Variants in DNAJC9 observed in about 807,000 individuals in gnomAD.
DNAJC9 encodes DnaJ heat shock protein family (Hsp40) member C9.
In DNAJC9, 18 loss-of-function variants were observed where a neutral mutation model predicts 32.4. The ratio of observed to expected loss-of-function variants is 0.56; its 90% CI spans 0.38 to 0.82. The LOEUF is 0.82. Ranked by LOEUF, DNAJC9 falls within the 40% of genes least tolerant of loss-of-function variation. The probability of loss-of-function intolerance (pLI) is 0.00; values close to 1 mark genes in which losing one functional copy is unlikely to be tolerated. For missense variants in DNAJC9, 310 were observed against 321.8 expected, an observed-to-expected ratio of 0.96 and a Z score of 0.28; for synonymous variants, 113 against 122.1, an observed-to-expected ratio of 0.93 and a Z score of 0.49.
downstream of DNAJC9, among the ~76,000 whole-genome samples, chr10:73,240,262 A>G (rs2043911514): frequency 6.6e-6 from 1 of 152,240 alleles, no homozygotes; most frequent in Admixed American, 6.5e-5. Context: ...AATAATCAGC[A>G]ACTATGGTAA....
chr10:73,240,487 C>T (rs138078566), downstream of DNAJC9, among the ~76,000 whole-genome samples: 1,684 of 152,184 alleles, frequency 0.011, 43 homozygotes, highest in East Asian at 0.1. Context: ...CCAAGGCGGG[C>T]GGATCACGAG....
chr10:73,244,107 T>C lies in DNAJC9; in HGVS notation c.577-178A>G, dbSNP rs557990189. 4 of 591,492 alleles carry C rather than the reference T, an allele frequency of 6.8e-6. No homozygotes were observed. In the South Asian group the frequency reaches 8.6e-5, roughly 13 times the overall value. The allele number at this position is 591,492 out of a possible 1,614,324, so 36.6% of individuals were successfully genotyped here. A position where few individuals can be genotyped will look rare whatever the true frequency, so the allele number is the denominator to read the frequency against. ...TGGCAACAATGCTGACAGCAAGCAGTAGATCCTCTGATTCCAATTACCATT... is the reference window on the plus strand; with the variant it reads ...TGGCAACAATGCTGACAGCAAGCAGCAGATCCTCTGATTCCAATTACCATT... On this transcript the variant is annotated intron_variant, in intron 3 of 4. Transcript: ENST00000372950.
Position 73,247,249 on chromosome 10 carries a change from C to G in DNAJC9, c.-60G>C. The G allele has an allele frequency of 1.3e-6, 2 of 1,545,606 alleles. No individual in the cohort carries two copies. Among genetic ancestry groups the G allele is most frequent in the South Asian group, 2.4e-5 (2 of 84,274 alleles). On this transcript the variant is annotated 5_prime_UTR_variant, in exon 1 of 5. Transcript: ENST00000372950. ...GCTCCCAGCTGCGCCGGGTACAACC[C>G]AGGACTGCTTCTTTTTCGCGCCCAA...
At chr10:73,232,845 G>A in intron 2 of DNAJC9, 1 of 724,554 alleles carries the variant, frequency 1.4e-6, no homozygotes, top group African/African-American at 1.8e-5. Context: ...CCCCCTAAAT[G>A]TAGTTTCTAG....
intron 3 of DNAJC9, 133 bp downstream of exon 3, chr10:73,245,789 A>T: frequency 9.2e-7 from 1 of 1,091,856 alleles, no homozygotes; most frequent in Non-Finnish European, 1.3e-6. Flanking sequence ...CCATTTTATT[A>T]GATCGAAACT....
chr10:73,243,798 A>G lies in DNAJC9; in HGVS notation c.663+45T>C, dbSNP rs2043978728. On this transcript the variant is annotated intron_variant, in intron 4 of 4. Coordinates refer to ENST00000372950, the MANE Select transcript of DNAJC9 (RefSeq NM_015190.5). ...ACATTCCAAAGAAAATATTAGCAGT[A>G]GGAATCAGATCATTAAAGATGTGGC... 6.0e-6 allele frequency: 9 copies of G among 1,502,484 alleles called. No individual in the cohort carries two copies. The East Asian group carries it at 2.0e-4, about 34-fold the overall frequency. The allele number at this position is 1,502,484 out of a possible 1,614,324, so 93.1% of individuals were successfully genotyped here. A position where few individuals can be genotyped will look rare whatever the true frequency, so the allele number is the denominator to read the frequency against.
In DNAJC9 at chr10:73,247,220, A is replaced by G; in HGVS notation, c.-31T>C. 1 of 1,570,234 alleles carries G rather than the reference A, an allele frequency of 6.4e-7. No homozygotes were observed. The highest frequency in any genetic ancestry group is 8.6e-7 in the Non-Finnish European group (1 of 1,158,782). Reference sequence around the variant, plus strand: ...GCGGAGATACGACCCCGGAGGAAGCAGCCGCTCCCAGCTGCGCCGGGTACA... The same window carrying G: ...GCGGAGATACGACCCCGGAGGAAGCGGCCGCTCCCAGCTGCGCCGGGTACA... On this transcript the variant is annotated 5_prime_UTR_variant, in exon 1 of 5. Transcript: ENST00000372950.
downstream of DNAJC9, chr10:73,239,326 T>C (rs1228458483): frequency 4.5e-6 from 7 of 1,551,638 alleles, no homozygotes; most frequent in East Asian, 1.7e-4. Context: ...ATACACAGTA[T>C]CGTCGCTCAT....
Position 73,243,326 on chromosome 10 carries a change from C to T in DNAJC9, c.*74G>A. The T allele has an allele frequency of 3.2e-6, 5 of 1,564,802 alleles. No homozygotes were observed. The highest frequency in any genetic ancestry group is 4.3e-6 in the Non-Finnish European group (5 of 1,152,134). ...TCTCAAGAGCTGAATTGACTTTTGC[C>T]TTCAAATCCTGCCTGCACCTTGCCT... is the stretch of plus-strand genomic sequence containing the variant. On this transcript the variant is annotated 3_prime_UTR_variant, in exon 5 of 5. Transcript: ENST00000372950.
Position 73,243,470 on chromosome 10 carries a change from A to G in DNAJC9, c.713T>C (p.Met238Thr). ...QKEMDNFLAQ[M>T]EAKYCKSSKG... ...GGAAGATTTGCAGTACTTTGCTTCC[A>G]TCTGAGCCAGAAAATTGTCCATTTC... Residue 238 changes from methionine (M) to threonine (T), a missense_variant, in exon 5 of 5, where the codon ATG (methionine) becomes ACG (threonine). Physicochemically the swap from Met to Thr is moderately conservative, Grantham distance 81. Coordinates refer to ENST00000372950, the MANE Select transcript of DNAJC9 (RefSeq NM_015190.5). The G allele has an allele frequency of 1.9e-6, 3 of 1,614,100 alleles. No homozygotes were observed. The highest frequency in any genetic ancestry group is 3.3e-4 in the Middle Eastern group (2 of 6,062).
intron 3 of DNAJC9, among the ~76,000 whole-genome samples, chr10:73,245,571 A>G (rs998777619): frequency 1.3e-5 from 2 of 152,026 alleles, no homozygotes; most frequent in African/African-American, 4.8e-5. Flanking sequence ...TACCCCCTCA[A>G]CCGAGTAAGG....
At chr10:73,240,924 G>A (rs1453992486), downstream of DNAJC9, 2 of 1,413,242 alleles carry the variant, frequency 1.4e-6, no homozygotes, top group Non-Finnish European at 1.9e-6. Context: ...GTCTACTAAT[G>A]TTACTCTATG....
At position 73,242,572 on chromosome 10, in the gene DNAJC9, A is replaced by C. The variant is rs189788295; in HGVS notation, c.*828T>G. 2.8e-4 allele frequency: 43 copies of C among 152,288 alleles called. No individual in the cohort carries two copies. Among genetic ancestry groups the C allele is most frequent in the African/African-American group, 8.7e-4 (36 of 41,548 alleles). The allele number at this position is 152,288 out of a possible 1,614,324, so 9.4% of individuals were successfully genotyped here. A position where few individuals can be genotyped will look rare whatever the true frequency, so the allele number is the denominator to read the frequency against. Reference sequence around the variant, plus strand: ...TGGATTTCACTCTTTGTTTTGATGTAGTAACTCTTTTATAAAAGGGAACAG... The same window carrying C: ...TGGATTTCACTCTTTGTTTTGATGTCGTAACTCTTTTATAAAAGGGAACAG... On this transcript the variant is annotated 3_prime_UTR_variant, in exon 5 of 5. Transcript: ENST00000372950.
At chr10:73,241,700 T>A (rs1015644916), downstream of DNAJC9, 1 of 152,238 alleles carries the variant, frequency 6.6e-6, no homozygotes, top group Admixed American at 6.5e-5. Context: ...CTAAAGTAGG[T>A]TACTGGTCAT....
downstream of DNAJC9, chr10:73,239,410 TTAC>T: frequency 5.2e-6 from 8 of 1,530,322 alleles, no homozygotes; most frequent in Non-Finnish European, 7.1e-6. Flanking sequence ...TGGCCCTTAT[TTAC>T]TACTGTGTGG....
chr10:73,241,142 T>C, downstream of DNAJC9: 1 of 693,442 alleles, frequency 1.4e-6, no homozygotes, highest in South Asian at 1.6e-5. Flanking sequence ...TGAAGAGTGA[T>C]TTTGGCACAA....
downstream of DNAJC9, chr10:73,235,196 C>T (rs1239568733): frequency 1.9e-6 from 3 of 1,551,454 alleles, no homozygotes; most frequent in East Asian, 4.9e-5. Context: ...TCTGCAGAAA[C>T]CCCATGGCGA....
At chr10:73,234,122 AG>A (rs1467369377), downstream of DNAJC9, 2 of 152,232 alleles carry the variant, frequency 1.3e-5, no homozygotes, top group African/African-American at 4.8e-5. Context: ...ATATCCTCAA[AG>A]GTATGAGATA....
At chr10:73,244,505 A>G (rs2043985706) in intron 3 of DNAJC9, 1 of 132,686 alleles carries the variant, frequency 7.5e-6, no homozygotes, top group Non-Finnish European at 1.6e-5. Flanking sequence ...GAAAAAAGAG[A>G]AAAAAAAAAA....
Sources: gnomAD v4.1 joint callset for allele counts (sites outside exome capture counted in the v4.1 genomes callset) on GRCh38, gnomAD v4.1.1 for gene constraint, MANE v1.5 for transcripts, NCBI Gene and HGNC (gene_info 2026-07-23, HGNC 2026-07-21) for gene names.